Variants in MEOX2 observed in about 807,000 individuals in gnomAD.
MEOX2 encodes homeobox protein MOX-2.
In MEOX2, 11 loss-of-function variants were observed where a neutral mutation model predicts 27.0. That is an observed-to-expected ratio of 0.41 (90% CI 0.26 to 0.68). MEOX2 has a LOEUF of 0.68. Ranked by LOEUF, MEOX2 falls within the 30% of genes least tolerant of loss-of-function variation. The pLI, the probability that MEOX2 is intolerant of heterozygous loss-of-function variation, is 0.33. For synonymous variants in MEOX2, 189 were observed against 155.4 expected, an observed-to-expected ratio of 1.22 and a Z score of -1.61; for missense variants, 436 against 385.4, an observed-to-expected ratio of 1.13 and a Z score of -1.10.
intron 1 of MEOX2, among the ~76,000 whole-genome samples, chr7:15,649,454 A>T (rs534247864): frequency 2.6e-5 from 4 of 152,074 alleles, no homozygotes; most frequent in Non-Finnish European, 5.9e-5. Flanking sequence ...AAAATCACAT[A>T]AATTGAAGAA....
chr7:15,631,625 C>T (rs1781404099), intron 1 of MEOX2, among the ~76,000 whole-genome samples: 1 of 151,706 alleles, frequency 6.6e-6, no homozygotes. Context: ...ACCACTCATT[C>T]TTAAAATGAG....
intron 1 of MEOX2, among the ~76,000 whole-genome samples, chr7:15,637,739 T>C (rs1781505017): frequency 6.6e-6 from 1 of 151,454 alleles, no homozygotes; most frequent in Non-Finnish European, 1.5e-5. Context: ...GGGGAACATA[T>C]CGGGGCTTTG....
At chr7:15,647,813 C>A (rs77803260) in intron 1 of MEOX2, among the ~76,000 whole-genome samples, 1 of 151,844 alleles carries the variant, frequency 6.6e-6, no homozygotes, top group Non-Finnish European at 1.5e-5. Context: ...TTTAATTGAC[C>A]TTAAAAAATG....
rs1781028776 is a variant in MEOX2, at chr7:15,611,450, A to C, written c.*937T>G. ...TAATTAAATCATATTCATACAGCTA[A>C]TATTTTACAGAAATAAAATAAGACA... On this transcript the variant is annotated 3_prime_UTR_variant, in exon 3 of 3. Coordinates refer to ENST00000262041, the MANE Select transcript of MEOX2 (RefSeq NM_005924.5). 6.6e-6 allele frequency: 1 copy of C among 152,654 alleles called. No homozygotes were observed. Among genetic ancestry groups the C allele is most frequent in the Non-Finnish European group, 1.5e-5 (1 of 68,028 alleles). The allele number at this position is 152,654 out of a possible 1,614,324, so 9.5% of individuals were successfully genotyped here.
intron 1 of MEOX2, among the ~76,000 whole-genome samples, chr7:15,646,196 C>T (rs1307219430): frequency 2.0e-5 from 3 of 152,060 alleles, no homozygotes. Flanking sequence ...TACTCCCTGA[C>T]TTCCAAATTT....
chr7:15,634,918 A>AT (rs759639021), intron 1 of MEOX2, among the ~76,000 whole-genome samples: 4 of 151,962 alleles, frequency 2.6e-5, no homozygotes, highest in Non-Finnish European at 4.4e-5. Flanking sequence ...CACCATAGAA[A>AT]TTACCATGTT....
chr7:15,640,495 G>T (rs992136422), intron 1 of MEOX2, among the ~76,000 whole-genome samples: 2 of 152,020 alleles, frequency 1.3e-5, no homozygotes, highest in Non-Finnish European at 2.9e-5. Context: ...TGACTTCCTT[G>T]TTTCAAATTT....
chr7:15,624,424 G>A (rs1212369118), intron 2 of MEOX2, among the ~76,000 whole-genome samples: 5 of 152,098 alleles, frequency 3.3e-5, no homozygotes, highest in African/African-American at 1.2e-4. Context: ...CCAATGAAGC[G>A]ATCTTGTCCT....
chr7:15,659,356 A>G (rs1397662252), intron 1 of MEOX2, among the ~76,000 whole-genome samples: 1 of 152,218 alleles, frequency 6.6e-6, no homozygotes, highest in African/African-American at 2.4e-5. Context: ...TGGTAGTAAA[A>G]AAACAAATGC....
chr7:15,634,704 C>T (rs534756567), intron 1 of MEOX2, among the ~76,000 whole-genome samples: 8 of 151,916 alleles, frequency 5.3e-5, no homozygotes, highest in South Asian at 2.1e-4. Context: ...ATAAGTTGCA[C>T]GCATTATTTA....
chr7:15,665,724 G>A (rs536742713), intron 1 of MEOX2, among the ~76,000 whole-genome samples: 5 of 152,124 alleles, frequency 3.3e-5, no homozygotes, highest in African/African-American at 1.2e-4. Flanking sequence ...AGATCAAGTG[G>A]ACATCAGTAA....
intron 1 of MEOX2, among the ~76,000 whole-genome samples, chr7:15,643,615 C>A (rs1207348095): frequency 1.3e-5 from 2 of 152,332 alleles, no homozygotes; most frequent in Non-Finnish European, 1.5e-5. Flanking sequence ...TTCCAGGTCA[C>A]TGAGCCATTT....
At chr7:15,614,753 A>T (rs1375289047) in intron 2 of MEOX2, among the ~76,000 whole-genome samples, 4 of 152,134 alleles carry the variant, frequency 2.6e-5, no homozygotes, top group Admixed American at 6.6e-5. Context: ...TCATTCTTCT[A>T]CGTTAGAAAT....
rs141402850 is a variant in MEOX2, at chr7:15,612,207, C to G, written c.*180G>C. ...CTTCTCCATCTTCACTGTGGAAGCTCTTTAATAAGTGGCACTTTGTGTAAA... is the reference window on the plus strand; with the variant it reads ...CTTCTCCATCTTCACTGTGGAAGCTGTTTAATAAGTGGCACTTTGTGTAAA... On this transcript the variant is annotated 3_prime_UTR_variant, in exon 3 of 3. Transcript: ENST00000262041. 6.1e-4 allele frequency: 375 copies of G among 612,848 alleles called. 2 individuals are homozygous for G. The African/African-American group carries it at 6.5e-3, about 11-fold the overall frequency. The allele number at this position is 612,848 out of a possible 1,614,324, so 38.0% of individuals were successfully genotyped here.
At chr7:15,642,917 C>T (rs531178160) in intron 1 of MEOX2, among the ~76,000 whole-genome samples, 2 of 152,224 alleles carry the variant, frequency 1.3e-5, no homozygotes, top group Admixed American at 1.3e-4. Context: ...TTCTTAAGCG[C>T]TATTTGTTTG....
At chr7:15,628,889 A>G (rs1351638274) in intron 1 of MEOX2, among the ~76,000 whole-genome samples, 1 of 152,110 alleles carries the variant, frequency 6.6e-6, no homozygotes, top group African/African-American at 2.4e-5. Context: ...CACAGTACAG[A>G]ATATTCAGAT....
At chr7:15,636,796 C>T (rs890545362) in intron 1 of MEOX2, among the ~76,000 whole-genome samples, 2 of 151,990 alleles carry the variant, frequency 1.3e-5, no homozygotes, top group African/African-American at 4.8e-5. Context: ...AAGAAGTGCA[C>T]GATCAAGGCA....
intron 1 of MEOX2, among the ~76,000 whole-genome samples, chr7:15,675,722 G>C (rs1276111854): frequency 1.3e-5 from 2 of 152,158 alleles, no homozygotes; most frequent in African/African-American, 4.8e-5. Context: ...AATTCATTAA[G>C]AAAACTTTGA....
intron 1 of MEOX2, among the ~76,000 whole-genome samples, chr7:15,658,363 G>A (rs992942644): frequency 2.0e-5 from 3 of 152,136 alleles, no homozygotes. Context: ...TTTTTCCTAC[G>A]GTGTTTGACT....
Sources: allele counts gnomAD v4.1 joint callset (sites outside exome capture counted in the v4.1 genomes callset), GRCh38; gene constraint gnomAD v4.1.1; transcripts MANE v1.5; gene names NCBI Gene and HGNC (gene_info 2026-07-23, HGNC 2026-07-21).